Variants in PHACTR1 observed in about 807,000 individuals in gnomAD.
The protein encoded by PHACTR1 is phosphatase and actin regulator 1, also known as RPEL repeat containing 1.
Under a neutral mutation model 69.2 loss-of-function variants are expected in PHACTR1, and 16 were observed. The ratio of observed to expected loss-of-function variants is 0.23; its 90% CI spans 0.16 to 0.35. The LOEUF (loss-of-function observed/expected upper bound fraction) is 0.35, where lower values mean the gene tolerates loss of function less well. Among genes scored for constraint, PHACTR1 ranks in the 10% least tolerant of loss-of-function variants. The probability of loss-of-function intolerance (pLI) is 1.00; values close to 1 mark genes in which losing one functional copy is unlikely to be tolerated. For missense variants in PHACTR1, 510 were observed against 734.7 expected (o/e 0.69, Z 3.54); for synonymous variants, 312 against 284.5 (o/e 1.10, Z -0.97).
intron 5 of PHACTR1, among the ~76,000 whole-genome samples, chr6:13,077,374 G>A (rs1267268698): frequency 1.3e-5 from 2 of 152,132 alleles, no homozygotes; most frequent in African/African-American, 4.8e-5. Flanking sequence ...TCCAGGGCCT[G>A]CACACCTAAC....
At chr6:12,935,070 A>C (rs1280046325) in intron 4 of PHACTR1, among the ~76,000 whole-genome samples, 1 of 152,160 alleles carries the variant, frequency 6.6e-6, no homozygotes, top group Non-Finnish European at 1.5e-5. Context: ...TGTGAGGATT[A>C]AATGAGATAA....
At position 12,796,314 on chromosome 6, in the gene PHACTR1, G is replaced by A. The variant is rs1244770361; in HGVS notation, c.250+46524G>A. ...AAACATAGTATTTCTCCCAGGGCAT[G>A]CTACTTGGAAGACTGCTTGATGCCC... On this transcript the variant is annotated intron_variant, in intron 4 of 14. Transcript: ENST00000332995. 2.6e-5 allele frequency among the ~76,000 whole-genome samples: 4 copies of A among 152,324 alleles called. No homozygotes were observed. In the East Asian group the frequency reaches 7.7e-4, roughly 29 times the overall value.
In PHACTR1 at chr6:12,749,625, G is replaced by A. The variant is rs778907488; in HGVS notation, c.104-19G>A. 7.8e-5 allele frequency: 107 copies of A among 1,373,422 alleles called. No individual in the cohort carries two copies. Among genetic ancestry groups the A allele is most frequent in the Non-Finnish European group, 9.6e-5 (99 of 1,031,734 alleles). 85.1% of individuals were successfully genotyped at this position (1,373,422 alleles called of 1,614,324 possible). A position where few individuals can be genotyped will look rare whatever the true frequency, so the allele number is the denominator to read the frequency against. On this transcript the variant is annotated intron_variant, in intron 3 of 14. Transcript: ENST00000332995. ...CTTCCGCCTCTCTCCCTCTCCCTCC[G>A]TCTCCTTCTCCCTCTCAGCTCGCCG... is the stretch of plus-strand genomic sequence containing the variant.
At chr6:13,127,506 G>A (rs1561867529) in intron 5 of PHACTR1, among the ~76,000 whole-genome samples, 2 of 152,198 alleles carry the variant, frequency 1.3e-5, no homozygotes, top group African/African-American at 4.8e-5. Flanking sequence ...GGAGGTTGAG[G>A]TTGCAGTGAG....
intron 10 of PHACTR1, among the ~76,000 whole-genome samples, chr6:13,271,709 T>C (rs921390995): frequency 6.6e-6 from 1 of 152,036 alleles, no homozygotes; most frequent in Non-Finnish European, 1.5e-5. Flanking sequence ...TTTTTTTTTT[T>C]AATATTTTCC....
chr6:13,041,295 CA>C (rs879878674), intron 4 of PHACTR1, among the ~76,000 whole-genome samples: 24 of 147,996 alleles, frequency 1.6e-4, no homozygotes, highest in Admixed American at 4.1e-4. Flanking sequence ...GAGTAATAAT[CA>C]AAACAAGTCC....
At chr6:12,805,031 A>T (rs933033487) in intron 4 of PHACTR1, among the ~76,000 whole-genome samples, 2 of 152,132 alleles carry the variant, frequency 1.3e-5, no homozygotes, top group African/African-American at 2.4e-5. Flanking sequence ...TCCTCAATGT[A>T]TGCATTGCAA....
At position 12,744,610 on chromosome 6, in the gene PHACTR1, G is replaced by A. The variant is rs111479562; in HGVS notation, c.104-5034G>A. Among the ~76,000 whole-genome samples, 356 of 152,236 alleles carry A rather than the reference G, an allele frequency of 2.3e-3. 5 individuals carry two copies. The highest frequency in any genetic ancestry group is 7.8e-3 in the African/African-American group (323 of 41,534). ...GTCCCAATCCAGTCCCCAAGAGAGG[G>A]TTCTTGGATTTCACCCAAGAAAGAA... On this transcript the variant is annotated intron_variant, in intron 3 of 14. Transcript: ENST00000332995.
At chr6:13,241,985 T>A (rs1234195255) in intron 10 of PHACTR1, among the ~76,000 whole-genome samples, 2 of 148,286 alleles carry the variant, frequency 1.3e-5, no homozygotes, top group African/African-American at 5.1e-5. Context: ...ATGAGCTGAG[T>A]TTGCACCACT....
rs145301398 is a variant in PHACTR1 at position 12,878,992 on chromosome 6, G to T, written c.250+129202G>T. Among the ~76,000 whole-genome samples, 380 of 152,268 alleles carry T rather than the reference G, an allele frequency of 2.5e-3. 1 individual carries two copies. The Middle Eastern group carries it at 0.031, about 12-fold the overall frequency. On this transcript the variant is annotated intron_variant, in intron 4 of 14. Coordinates refer to ENST00000332995, the MANE Select transcript of PHACTR1 (RefSeq NM_030948.6). ...TGCTTTTATCAACAGCATTGAAAAGGCACGTGGAGCACTGGGGGTTGTTAA... is the reference window on the plus strand; with the variant it reads ...TGCTTTTATCAACAGCATTGAAAAGTCACGTGGAGCACTGGGGGTTGTTAA...
chr6:12,757,489 G>A (rs1212757929), intron 4 of PHACTR1, among the ~76,000 whole-genome samples: 1 of 152,168 alleles, frequency 6.6e-6, no homozygotes, highest in Non-Finnish European at 1.5e-5. Context: ...CACTGGGGCT[G>A]TTGAGTTCAG....
intron 4 of PHACTR1, among the ~76,000 whole-genome samples, chr6:12,938,818 T>G (rs751302544): frequency 1.3e-5 from 2 of 152,186 alleles, no homozygotes; most frequent in Non-Finnish European, 2.9e-5. Flanking sequence ...ATGAACTTTT[T>G]TTTTTGTTTG....
At chr6:12,967,335 T>C (rs959975353) in intron 4 of PHACTR1, among the ~76,000 whole-genome samples, 7 of 152,192 alleles carry the variant, frequency 4.6e-5, no homozygotes, top group African/African-American at 1.7e-4. Context: ...TGGCACTCCA[T>C]TAAAACAACT....
chr6:13,242,651 A>G (rs1413923131), intron 10 of PHACTR1, among the ~76,000 whole-genome samples: 1 of 152,232 alleles, frequency 6.6e-6, no homozygotes, highest in East Asian at 1.9e-4. Context: ...AATGATCTCA[A>G]TTTGAGAAAA....
At chr6:13,137,412 G>T (rs542958670) in intron 5 of PHACTR1, among the ~76,000 whole-genome samples, 2 of 152,144 alleles carry the variant, frequency 1.3e-5, no homozygotes, top group Non-Finnish European at 2.9e-5. Context: ...GAAGAAACTC[G>T]GTATGTGGTG....
At chr6:13,057,252 C>A (rs948169329) in intron 5 of PHACTR1, among the ~76,000 whole-genome samples, 1 of 152,022 alleles carries the variant, frequency 6.6e-6, no homozygotes, top group African/African-American at 2.4e-5. Context: ...CACATGTACC[C>A]CCAAAATATA....
chr6:12,898,504 G>A (rs1172447786), intron 4 of PHACTR1, among the ~76,000 whole-genome samples: 2 of 152,178 alleles, frequency 1.3e-5, no homozygotes, highest in African/African-American at 4.8e-5. Flanking sequence ...CAGAAACCTG[G>A]CAATCCTCCT....
chr6:12,828,959 A>G (rs1048318224), intron 4 of PHACTR1, among the ~76,000 whole-genome samples: 1 of 152,176 alleles, frequency 6.6e-6, no homozygotes, highest in African/African-American at 2.4e-5. Context: ...TCTAGAAGAG[A>G]GGATTTTGAA....
At chr6:12,770,996 A>G (rs1007973625) in intron 4 of PHACTR1, among the ~76,000 whole-genome samples, 2 of 152,190 alleles carry the variant, frequency 1.3e-5, no homozygotes, top group Non-Finnish European at 2.9e-5. Flanking sequence ...GTAGGACTGG[A>G]ACCTGTCGTG....
Sources: gnomAD v4.1 joint callset for allele counts (sites outside exome capture counted in the v4.1 genomes callset) on GRCh38, gnomAD v4.1.1 for gene constraint, MANE v1.5 for transcripts, NCBI Gene and HGNC (gene_info 2026-07-23, HGNC 2026-07-21) for gene names.